The following AGO3 variants were observed in gnomAD, a reference collection of about 807,000 sequenced individuals.
The protein encoded by AGO3 is protein argonaute-3.
AGO3 carries 16 observed loss-of-function variants against 105.5 expected under a neutral mutation model. The observed-to-expected ratio is 0.15, with a 90% CI of 0.10 to 0.23. The LOEUF is 0.23. Ranked by LOEUF, AGO3 falls within the 10% of genes least tolerant of loss-of-function variation. The pLI, the probability that AGO3 is intolerant of heterozygous loss-of-function variation, is 1.00. For synonymous variants in AGO3, 340 were observed against 367.3 expected, an observed-to-expected ratio of 0.93 and a Z score of 0.85; for missense variants, 534 against 1,088.0, an observed-to-expected ratio of 0.49 and a Z score of 7.16.
In AGO3 at chr1:36,027,802, G is replaced by A. The variant is rs543256083; in HGVS notation, c.1591+504G>A. 4.6e-5 allele frequency among the ~76,000 whole-genome samples: 7 copies of A among 151,536 alleles called. No individual in the cohort carries two copies. Among genetic ancestry groups the A allele is most frequent in the Non-Finnish European group, 1.0e-4 (7 of 67,894 alleles). ...TCAAAAAAAAAAAAAAAGGGTTTCA[G>A]TAGTGAAAAGAGGCATTACATAACA... On this transcript the variant is annotated intron_variant, in intron 12 of 18. Transcript: ENST00000373191. The surrounding 1 kb of genome is among the most constrained non-coding windows in gnomAD (Gnocchi z 4.0).
Position 36,063,087 on chromosome 1 carries a change from T to C in AGO3, c.*7342T>C, listed in dbSNP as rs921494701. ...CAAAGATTAAGATGGAGTGTTAATATACCAACCAAACTACGAATTCCATAA... is the reference window on the plus strand; with the variant it reads ...CAAAGATTAAGATGGAGTGTTAATACACCAACCAAACTACGAATTCCATAA... On this transcript the variant is annotated 3_prime_UTR_variant, in exon 19 of 19. Coordinates refer to ENST00000373191, the MANE Select transcript of AGO3 (RefSeq NM_024852.4). 6.6e-6 allele frequency: 1 copy of C among 152,198 alleles called. No homozygotes were observed. Among genetic ancestry groups the C allele is most frequent in the Non-Finnish European group, 1.5e-5 (1 of 68,026 alleles). The allele number at this position is 152,198 out of a possible 1,614,324, so 9.4% of individuals were successfully genotyped here. A position where few individuals can be genotyped will look rare whatever the true frequency, so the allele number is the denominator to read the frequency against.
At chr1:36,049,201 A>G (rs955977205) in intron 17 of AGO3, among the ~76,000 whole-genome samples, 3 of 151,714 alleles carry the variant, frequency 2.0e-5, no homozygotes, top group African/African-American at 7.3e-5. Flanking sequence ...ACTACTAGAG[A>G]GGAGGGCAGG....
intron 2 of AGO3, among the ~76,000 whole-genome samples, chr1:35,949,699 G>A (rs1646434425): frequency 6.6e-6 from 1 of 152,190 alleles, no homozygotes; most frequent in African/African-American, 2.4e-5. Context: ...ATAGCACACT[G>A]TGTTCTCAAC....
intron 1 of AGO3, among the ~76,000 whole-genome samples, chr1:35,936,431 T>G (rs986792354): frequency 6.6e-6 from 1 of 152,198 alleles, no homozygotes; most frequent in African/African-American, 2.4e-5. Flanking sequence ...TTTGTTTGTT[T>G]GTTTGAGACA....
At chr1:35,982,686 T>TA in intron 5 of AGO3, 1 of 716,718 alleles carries the variant, frequency 1.4e-6, no homozygotes. Flanking sequence ...AGAAGCCAGT[T>TA]AGGAGGCTTT....
chr1:36,046,328 C>T (rs1280303421), intron 17 of AGO3, among the ~76,000 whole-genome samples: 1 of 152,168 alleles, frequency 6.6e-6, no homozygotes, highest in Non-Finnish European at 1.5e-5. Flanking sequence ...CAAATTACTC[C>T]AGCCCAGTGG....
At chr1:36,053,896 G>A (rs1456412181) in intron 17 of AGO3, among the ~76,000 whole-genome samples, 2 of 151,572 alleles carry the variant, frequency 1.3e-5, no homozygotes, top group African/African-American at 2.4e-5. Flanking sequence ...TTACAGGCAC[G>A]CATCACCACG....
At chr1:36,004,254 T>G (rs1211357510) in intron 5 of AGO3, 87 bp from the exon 6 acceptor site, 1 of 1,378,304 alleles carries the variant, frequency 7.3e-7, no homozygotes, top group African/African-American at 1.4e-5. Context: ...ATTTTAACCC[T>G]ATAGATAGTT....
chr1:35,998,799 T>C (rs1409970579), intron 5 of AGO3, among the ~76,000 whole-genome samples: 1 of 152,152 alleles, frequency 6.6e-6, no homozygotes, highest in East Asian at 1.9e-4. Flanking sequence ...TATGGTGTCT[T>C]TTTTCTTATA....
In AGO3 at chr1:35,994,706, CAAAT is replaced by C. The variant is rs773239771; in HGVS notation, c.659-9632_659-9629del. Among the ~76,000 whole-genome samples, 16 of 151,988 alleles carry C rather than the reference CAAAT, an allele frequency of 1.1e-4. No homozygotes were observed. The South Asian group carries it at 2.5e-3, about 24-fold the overall frequency. Reference sequence around the variant, plus strand: ...GGTCACAGGATGCTAACTGCATAAACAAATAATACCAGCATTCAACAATTGAAAT... The same window carrying C: ...GGTCACAGGATGCTAACTGCATAAACAATACCAGCATTCAACAATTGAAAT... On this transcript the variant is annotated intron_variant, in intron 5 of 18. Coordinates refer to ENST00000373191, the MANE Select transcript of AGO3 (RefSeq NM_024852.4).
chr1:36,004,367 C>T lies in AGO3; in HGVS notation c.685C>T (p.Gln229Ter). ...TTCTGCCACTGCCTTCTACAAAGCACAACCTGTAATTCAGTTCATGTGTGA... is the reference window on the plus strand; with the variant it reads ...TTCTGCCACTGCCTTCTACAAAGCATAACCTGTAATTCAGTTCATGTGTGA... ...DVSATAFYKA[Q>*]PVIQFMCEVL... is the part of the protein sequence containing the mutation. Residue 229 changes from glutamine (Q) to a stop codon, truncating the protein, a stop_gained, in exon 6 of 19, where the codon CAA (glutamine) becomes TAA (stop). Transcript: ENST00000373191. LOFTEE classifies it high-confidence loss of function. 6.2e-7 allele frequency: 1 copy of T among 1,608,504 alleles called. No individual in the cohort carries two copies. The highest frequency in any genetic ancestry group is 8.5e-7 in the Non-Finnish European group (1 of 1,176,712).
chr1:36,050,312 C>G (rs183425816), intron 17 of AGO3, among the ~76,000 whole-genome samples: 34 of 151,894 alleles, frequency 2.2e-4, no homozygotes, highest in Admixed American at 2.2e-3. Context: ...ATGATGAAAC[C>G]CCACCTCTAC....
At chr1:35,982,415 G>T (rs1295068521) in intron 5 of AGO3, among the ~76,000 whole-genome samples, 1 of 152,022 alleles carries the variant, frequency 6.6e-6, no homozygotes, top group Non-Finnish European at 1.5e-5. Flanking sequence ...TTGAAATGCC[G>T]ATTTTAAAAG....
At chr1:35,951,686 G>A (rs1646472268) in intron 2 of AGO3, among the ~76,000 whole-genome samples, 1 of 152,160 alleles carries the variant, frequency 6.6e-6, no homozygotes, top group African/African-American at 2.4e-5. Context: ...ACTGCACCCA[G>A]ACAGATGATT....
intron 1 of AGO3, among the ~76,000 whole-genome samples, chr1:35,944,742 G>A (rs868049671): frequency 1.3e-5 from 2 of 151,798 alleles, no homozygotes; most frequent in African/African-American, 4.8e-5. Context: ...AACCTCAGGT[G>A]ATCTGCCCGC....
In AGO3 at chr1:36,059,458, C is replaced by T. The variant is rs1268744972; in HGVS notation, c.*3713C>T. On this transcript the variant is annotated 3_prime_UTR_variant, in exon 19 of 19. Coordinates refer to ENST00000373191, the MANE Select transcript of AGO3 (RefSeq NM_024852.4). ...ATTCACAGTGACCCTTCTGCTCCTG[C>T]CCTTGCTCACTAACTATATCATGAA... The T allele has an allele frequency of 3.3e-5, 5 of 150,802 alleles. No individual in the cohort carries two copies. The highest frequency in any genetic ancestry group is 1.2e-4 in the African/African-American group (5 of 40,930). The allele number at this position is 150,802 out of a possible 1,614,324, so 9.3% of individuals were successfully genotyped here.
chr1:35,979,119 C>T (rs768168053), intron 5 of AGO3, among the ~76,000 whole-genome samples: 46 of 152,120 alleles, frequency 3.0e-4, no homozygotes, highest in Non-Finnish European at 4.9e-4. Context: ...AATCCCAGCA[C>T]TTTGGGAGGC....
chr1:35,960,923 GTTTCT>G (rs924084974), intron 2 of AGO3, among the ~76,000 whole-genome samples: 2 of 150,070 alleles, frequency 1.3e-5, no homozygotes, highest in Middle Eastern at 3.5e-3. Flanking sequence ...AATTTACAAT[GTTTCT>G]TTTCTTTTTT....
At chr1:35,948,469 C>T (rs1208323768) in intron 2 of AGO3, among the ~76,000 whole-genome samples, 1 of 149,620 alleles carries the variant, frequency 6.7e-6, no homozygotes, top group Non-Finnish European at 1.5e-5. Flanking sequence ...CCCCCCCCGC[C>T]CCCACCCCAC....
Sources: gnomAD v4.1 joint callset for allele counts (sites outside exome capture counted in the v4.1 genomes callset) on GRCh38, gnomAD v4.1.1 for gene constraint, Gnocchi (gnomAD v3.1) non-coding constraint, MANE v1.5 for transcripts, NCBI Gene and HGNC (gene_info 2026-07-23, HGNC 2026-07-21) for gene names.